ADAMTSL1: variants seen among roughly 807,000 people sequenced by gnomAD.
The protein encoded by ADAMTSL1 is ADAMTS-like protein 1.
A neutral mutation model predicts 201.8 loss-of-function variants in ADAMTSL1; 126 were observed. That is an observed-to-expected ratio of 0.62 (90% CI 0.54 to 0.72). The LOEUF (loss-of-function observed/expected upper bound fraction) is 0.72, where lower values mean the gene tolerates loss of function less well. Among genes scored for constraint, ADAMTSL1 ranks in the 30% least tolerant of loss-of-function variants. The pLI is 0.00. For synonymous variants in ADAMTSL1, 1,121 were observed against 903.4 expected (o/e 1.24, Z -4.32); for missense variants, 2,679 against 2,277.8 (o/e 1.18, Z -3.59).
At chr9:18,039,704 C>T (rs2131630606) in intron 1 of ADAMTSL1, among the ~76,000 whole-genome samples, 1 of 152,168 alleles carries the variant, frequency 6.6e-6, no homozygotes, top group Middle Eastern at 3.4e-3. Flanking sequence ...GATACAGAGG[C>T]AAAAAACCAA....
chr9:17,950,051 T>C (rs1345174131), intron 1 of ADAMTSL1, among the ~76,000 whole-genome samples: 2 of 152,062 alleles, frequency 1.3e-5, no homozygotes, highest in African/African-American at 2.4e-5. Flanking sequence ...TTGAAGTAGC[T>C]GGAATTATAG....
chr9:18,906,683 C>G lies in ADAMTSL1; in HGVS notation c.4962-9C>G. On this transcript the variant is annotated splice_polypyrimidine_tract_variant and intron_variant, in intron 27 of 28. Transcript: ENST00000380548. ...AGCAAACCTTAACCCTGCCACCATCCTCCTGCAGGCCTGTGAGCACCCAGA... is the reference window on the plus strand; with the variant it reads ...AGCAAACCTTAACCCTGCCACCATCGTCCTGCAGGCCTGTGAGCACCCAGA... 6.4e-7 allele frequency: 1 copy of G among 1,565,694 alleles called. No homozygotes were observed. The highest frequency in any genetic ancestry group is 8.7e-7 in the Non-Finnish European group (1 of 1,153,858).
chr9:18,216,442 A>C (rs1830057833), intron 2 of ADAMTSL1, among the ~76,000 whole-genome samples: 1 of 152,166 alleles, frequency 6.6e-6, no homozygotes, highest in Non-Finnish European at 1.5e-5. Context: ...ATGCCTCTGA[A>C]AGAAACACAG....
chr9:18,681,702 G>GGGGC (rs1830493678), intron 11 of ADAMTSL1, 110 bp from the exon 12 acceptor site: 8 of 507,860 alleles, frequency 1.6e-5, no homozygotes, highest in Non-Finnish European at 2.3e-5. Context: ...TCGTGTGGGG[G>GGGGC]GGGGGGGCGG....
At chr9:18,612,234 C>G (rs1825423807) in intron 4 of ADAMTSL1, among the ~76,000 whole-genome samples, 1 of 152,192 alleles carries the variant, frequency 6.6e-6, no homozygotes, top group Admixed American at 6.6e-5. Flanking sequence ...AAATTAAACT[C>G]TCAGATTACA....
At chr9:18,865,527 G>A (rs1827474653) in intron 23 of ADAMTSL1, among the ~76,000 whole-genome samples, 1 of 152,084 alleles carries the variant, frequency 6.6e-6, no homozygotes, top group Non-Finnish European at 1.5e-5. Context: ...TTTAGAAGGG[G>A]GCAACTTCAT....
At chr9:18,213,863 C>T (rs542818086) in intron 2 of ADAMTSL1, among the ~76,000 whole-genome samples, 5 of 152,168 alleles carry the variant, frequency 3.3e-5, no homozygotes, top group Admixed American at 2.6e-4. Flanking sequence ...CCTCAGCCTC[C>T]CGAGTAGCTG....
chr9:18,466,984 A>C lies in ADAMTSL1; in HGVS notation c.208-37845A>C, dbSNP rs552898910. 9.9e-3 allele frequency among the ~76,000 whole-genome samples: 1,506 copies of C among 151,960 alleles called. 26 individuals carry two copies. Among genetic ancestry groups the C allele is most frequent in the African/African-American group, 0.034 (1,423 of 41,446 alleles). On this transcript the variant is annotated intron_variant, in intron 2 of 29. Coordinates refer to the ADAMTSL1 transcript ENST00000680146. ...CCATTTTTTCTTTTGTAATTCTCCT[A>C]TTTGCTTTTCTTTTTCTCTACTGTC...
intron 3 of ADAMTSL1, among the ~76,000 whole-genome samples, chr9:18,540,059 G>A (rs1172991540): frequency 6.6e-6 from 1 of 152,156 alleles, no homozygotes; most frequent in Non-Finnish European, 1.5e-5. Flanking sequence ...GTTGAGCTGA[G>A]CTTTAAAAGA....
chr9:18,048,481 G>A lies in ADAMTSL1; in HGVS notation c.88-115381G>A, dbSNP rs543060116. Among the ~76,000 whole-genome samples, 18 of 152,246 alleles carry A rather than the reference G, an allele frequency of 1.2e-4. No homozygotes were observed. The East Asian group carries it at 3.3e-3, about 28-fold the overall frequency. On this transcript the variant is annotated intron_variant, in intron 1 of 29. Coordinates refer to the ADAMTSL1 transcript ENST00000680146. ...CTATATAGATAGTGGCTCATTAATT[G>A]TAACAAACATACCATATATGTAAGA...
intron 4 of ADAMTSL1, among the ~76,000 whole-genome samples, chr9:18,601,744 A>G (rs1235939391): frequency 1.3e-5 from 2 of 151,812 alleles, no homozygotes; most frequent in Non-Finnish European, 2.9e-5. Context: ...TGTAGCACAT[A>G]TATACACATT....
At chr9:18,266,532 C>T (rs527781857) in intron 2 of ADAMTSL1, among the ~76,000 whole-genome samples, 1 of 152,264 alleles carries the variant, frequency 6.6e-6, no homozygotes, top group East Asian at 1.9e-4. Flanking sequence ...GGGTCAGGCT[C>T]TTTCTTCCTG....
intron 2 of ADAMTSL1, among the ~76,000 whole-genome samples, chr9:18,447,425 C>G (rs114246508): frequency 0.014 from 2,150 of 152,198 alleles, 46 homozygotes; most frequent in African/African-American, 0.049. Flanking sequence ...GGTGTCATTA[C>G]TCATTGAAAT....
intron 9 of ADAMTSL1, among the ~76,000 whole-genome samples, chr9:18,669,173 G>C (rs931595891): frequency 6.6e-6 from 1 of 152,198 alleles, no homozygotes; most frequent in Non-Finnish European, 1.5e-5. Context: ...TGTTTGAATT[G>C]ACCACATACC....
chr9:18,877,911 G>A (rs1033005479), intron 23 of ADAMTSL1, among the ~76,000 whole-genome samples: 13 of 152,156 alleles, frequency 8.5e-5, no homozygotes, highest in East Asian at 1.9e-4. Flanking sequence ...AGGGTTAGGC[G>A]TGTCTGAGCT....
In ADAMTSL1 at chr9:18,889,720, G is replaced by A. The variant is rs775059724; in HGVS notation, c.4615G>A (p.Ala1539Thr). The A allele has an allele frequency of 1.4e-5, 22 of 1,535,868 alleles. No homozygotes were observed. The highest frequency in any genetic ancestry group is 1.8e-4 in the Middle Eastern group (1 of 5,428). The change falls in exon 25 of 29, where the codon GCG (alanine) becomes ACG (threonine). Residue 1539 changes from alanine (A) to threonine (T), a missense_variant. Physicochemically the swap from Ala to Thr is moderately conservative, Grantham distance 58 (BLOSUM62 0). Coordinates refer to ENST00000380548, the MANE Select transcript of ADAMTSL1 (RefSeq NM_001040272.6). Reference sequence around the variant, plus strand: ...GGTTCGCCCTGCGGTGCAGCCCATCGCGTGCAACCGGAGAGACTGCCCTTC... The same window carrying A: ...GGTTCGCCCTGCGGTGCAGCCCATCACGTGCAACCGGAGAGACTGCCCTTC... ...GKVRPAVQPI[A>T]CNRRDCPSRW...
chr9:17,928,656 T>A lies in ADAMTSL1; in HGVS notation c.87+21734T>A, dbSNP rs113770966. Among the ~76,000 whole-genome samples, 1,072 of 152,228 alleles carry A rather than the reference T, an allele frequency of 7.0e-3. 15 individuals are homozygous for A. Among genetic ancestry groups the A allele is most frequent in the African/African-American group, 0.025 (1,024 of 41,552 alleles). On this transcript the variant is annotated intron_variant, in intron 1 of 29. Coordinates refer to the ADAMTSL1 transcript ENST00000680146. ...CAGGCATGGTGGCTCACACCTGTAA[T>A]CCCAGTACTTTGGGAGGCTGAGGAG...
At chr9:18,889,824 C>G in intron 25 of ADAMTSL1, 76 bp downstream of exon 25, 2 of 1,366,154 alleles carry the variant, frequency 1.5e-6, no homozygotes, top group Non-Finnish European at 1.9e-6. Context: ...CAGTGGCCAG[C>G]CCTTCAGTAG....
chr9:18,110,050 A>G (rs1824936745), intron 1 of ADAMTSL1, among the ~76,000 whole-genome samples: 1 of 152,208 alleles, frequency 6.6e-6, no homozygotes, highest in South Asian at 2.1e-4. Flanking sequence ...TAGCCCCACA[A>G]GGCAGACAAA....
Sources: allele counts gnomAD v4.1 joint callset (sites outside exome capture counted in the v4.1 genomes callset), GRCh38; gene constraint gnomAD v4.1.1; transcripts MANE v1.5; gene names NCBI Gene and HGNC (gene_info 2026-07-23, HGNC 2026-07-21).